FANCD2: variants seen among roughly 807,000 people sequenced by gnomAD.
FANCD2 encodes Fanconi anemia group D2 protein.
A neutral mutation model predicts 192.3 loss-of-function variants in FANCD2; 131 were observed. The ratio of observed to expected loss-of-function variants is 0.68; its 90% confidence interval spans 0.59 to 0.79. The LOEUF (loss-of-function observed/expected upper bound fraction) is 0.79, where lower values mean the gene tolerates loss of function less well. Among genes scored for constraint, FANCD2 ranks in the 30% least tolerant of loss-of-function variants. The pLI is 0.00. For missense variants in FANCD2, 1,508 were observed against 1,701.6 expected (o/e 0.89, Z 2.00); for synonymous variants, 524 against 612.5 (o/e 0.86, Z 2.13).
At chr3:10,046,220 AT>A (rs1226679516) in intron 14 of FANCD2, among the ~76,000 whole-genome samples, 2 of 151,728 alleles carry the variant, frequency 1.3e-5, no homozygotes, top group East Asian at 1.9e-4. Flanking sequence ...CACCCGGCTA[AT>A]TTTTTGTATT....
chr3:10,092,319 A>G, intron 38 of FANCD2, 67 bp downstream of exon 38: 3 of 1,243,720 alleles, frequency 2.4e-6, no homozygotes, highest in Non-Finnish European at 3.5e-6. Flanking sequence ...CTGGCTTCCA[A>G]AATGGACTTT....
At chr3:10,099,844 C>G (rs1695199524) in intron 43 of FANCD2, among the ~76,000 whole-genome samples, 1 of 152,212 alleles carries the variant, frequency 6.6e-6, no homozygotes, top group Admixed American at 6.5e-5. Context: ...TTAAGAACCC[C>G]TGCTGTGGGG....
chr3:10,037,212 A>C (rs2086754309), intron 7 of FANCD2, among the ~76,000 whole-genome samples: 1 of 152,206 alleles, frequency 6.6e-6, no homozygotes, highest in Non-Finnish European at 1.5e-5. Context: ...GTTTACAAAG[A>C]AGAAATACAA....
chr3:10,051,401 A>G (rs2087206057), intron 17 of FANCD2, among the ~76,000 whole-genome samples: 1 of 10,264 alleles, frequency 9.7e-5, no homozygotes, highest in African/African-American at 1.7e-3. Context: ...AAAAAAAAAA[A>G]AAAAAACAAA....
chr3:10,059,836 A>G (rs2087513763), intron 18 of FANCD2, among the ~76,000 whole-genome samples: 1 of 151,794 alleles, frequency 6.6e-6, no homozygotes, highest in Admixed American at 6.6e-5. Context: ...CCCATTTCAC[A>G]GATGTAAAAA....
chr3:10,066,104 G>C, intron 25 of FANCD2, 125 bp downstream of exon 25: 1 of 688,990 alleles, frequency 1.5e-6, no homozygotes, highest in Non-Finnish European at 2.6e-6. Flanking sequence ...TTCTCTAGCT[G>C]TTATGTCCCA....
chr3:10,066,505 A>G (rs2087722896), intron 25 of FANCD2, among the ~76,000 whole-genome samples: 1 of 152,322 alleles, frequency 6.6e-6, no homozygotes, highest in East Asian at 1.9e-4. Context: ...GAATTTCAAT[A>G]GGGAGTTCAA....
chr3:10,090,233 C>T (rs1305003196), intron 36 of FANCD2, 59 bp from the exon 37 acceptor site: 69 of 1,292,760 alleles, frequency 5.3e-5, no homozygotes, highest in Non-Finnish European at 7.0e-5. Flanking sequence ...CTGGTTCTTC[C>T]CAGGTAGTTC....
At chr3:10,031,240 A>G (rs1056138032) in intron 2 of FANCD2, among the ~76,000 whole-genome samples, 2 of 152,178 alleles carry the variant, frequency 1.3e-5, no homozygotes, top group African/African-American at 2.4e-5. Flanking sequence ...ACGGTGGCTC[A>G]CGCCTGTAAT....
At chr3:10,065,268 G>T in intron 23 of FANCD2, 126 bp from the exon 24 acceptor site, 1 of 739,134 alleles carries the variant, frequency 1.4e-6, no homozygotes, top group South Asian at 1.4e-5. Flanking sequence ...CAGACTGGGC[G>T]ACAGAGCAAG....
At chr3:10,054,336 C>CATAT (rs376013316) in intron 18 of FANCD2, among the ~76,000 whole-genome samples, 11 of 130,344 alleles carry the variant, frequency 8.4e-5, no homozygotes, top group South Asian at 2.4e-4. Flanking sequence ...GAACAACCAG[C>CATAT]ATATATATAT....
rs142354541 is a variant in FANCD2, at chr3:10,030,670, C to T, written c.64+1949C>T. 4.9e-3 allele frequency among the ~76,000 whole-genome samples: 741 copies of T among 152,190 alleles called. 7 individuals carry two copies. Among genetic ancestry groups the T allele is most frequent in the African/African-American group, 0.016 (682 of 41,538 alleles). ...ATCCCAGCACTTTGGGAGGCCAAGG[C>T]GGGCAGATCACCTGAGGTCAGGAGT... On this transcript the variant is annotated intron_variant, in intron 2 of 43. Coordinates refer to ENST00000675286, the MANE Select transcript of FANCD2 (RefSeq NM_001018115.3).
intron 32 of FANCD2, among the ~76,000 whole-genome samples, chr3:10,082,909 A>C (rs755486346): frequency 2.8e-5 from 4 of 142,016 alleles, no homozygotes; most frequent in Non-Finnish European, 6.5e-5. Context: ...CAATTTATCA[A>C]AGAGACTTAT....
In FANCD2 at chr3:10,064,703, C is replaced by T. The variant is rs375531367; in HGVS notation, c.2022-26C>T. 192 of 1,613,438 alleles carry T rather than the reference C, an allele frequency of 1.2e-4. 1 individual carries two copies. Among genetic ancestry groups the T allele is most frequent in the Middle Eastern group, 1.2e-3 (7 of 5,932 alleles). On this transcript the variant is annotated intron_variant, in intron 22 of 43. Coordinates refer to ENST00000675286, the MANE Select transcript of FANCD2 (RefSeq NM_001018115.3). ...AGCCTTGCGTATTCCTGAGCTGCAA[C>T]ATCAGATTCTGGTTTTTCTCCGCAG...
At chr3:10,068,073 C>A (rs2125040143) in intron 26 of FANCD2, among the ~76,000 whole-genome samples, 1 of 152,096 alleles carries the variant, frequency 6.6e-6, no homozygotes, top group South Asian at 2.1e-4. Flanking sequence ...AAGATCTGAA[C>A]AAGACAAGGA....
In FANCD2 at chr3:10,088,704, T is replaced by C. The variant is rs2241276; in HGVS notation, c.3561-124T>C. ...GGAACATGTGGATCTTAAGATCCTC[T>C]GGTTCTGTTTTATACTGTTAGCTAA... On this transcript the variant is annotated intron_variant, in intron 35 of 43. Transcript: ENST00000675286. The C allele has an allele frequency of 1.2e-3, 1,427 of 1,165,000 alleles. 29 individuals carry two copies. The East Asian group carries it at 0.03, about 24-fold the overall frequency. 72.2% of individuals were successfully genotyped at this position (1,165,000 alleles called of 1,614,324 possible). A position where few individuals can be genotyped will look rare whatever the true frequency, so the allele number is the denominator to read the frequency against.
intron 23 of FANCD2, 132 bp from the exon 24 acceptor site, chr3:10,065,262 C>T (rs2125036147): frequency 2.8e-6 from 2 of 721,084 alleles, no homozygotes; most frequent in East Asian, 5.3e-5. Flanking sequence ...GCACTCCAGA[C>T]TGGGCGACAG....
At position 10,088,513 on chromosome 3, in the gene FANCD2, C is replaced by T. The variant is rs753964157; in HGVS notation, c.3531C>T (p.Ile1177=). 1.9e-6 allele frequency: 3 copies of T among 1,609,552 alleles called. No individual in the cohort carries two copies. The highest frequency in any genetic ancestry group is 2.6e-6 in the Non-Finnish European group (3 of 1,175,820). ...GTGGGGATAAAGAGAAGAGCAACATCTCTAATGACCAGCTCCATGCTCTGC... is the reference window on the plus strand; with the variant it reads ...GTGGGGATAAAGAGAAGAGCAACATTTCTAATGACCAGCTCCATGCTCTGC... ...WPSGDKEKSN[I]SNDQLHALLC... is the part of the protein sequence containing the mutation. The change falls in exon 35 of 44, where the codon ATC becomes ATT. Residue 1177 remains isoleucine (I), a synonymous_variant. Coordinates refer to ENST00000675286, the MANE Select transcript of FANCD2 (RefSeq NM_001018115.3).
intron 22 of FANCD2, 62 bp from the exon 23 acceptor site, chr3:10,064,667 G>A (rs1407344614): frequency 1.3e-6 from 2 of 1,579,220 alleles, no homozygotes. Flanking sequence ...TGCTCTAGTG[G>A]TTTTCCCTGT....
Sources: allele counts gnomAD v4.1 joint callset (sites outside exome capture counted in the v4.1 genomes callset), GRCh38; gene constraint gnomAD v4.1.1; transcripts MANE v1.5; gene names NCBI Gene and HGNC (gene_info 2026-07-23, HGNC 2026-07-21).